The following KANSL1 variants were observed in gnomAD, a reference collection of about 807,000 sequenced individuals.
KANSL1 encodes KAT8 regulatory NSL complex subunit 1.
KANSL1 carries 22 observed loss-of-function variants against 103.6 expected under a neutral mutation model. That is an observed-to-expected ratio of 0.21 (90% CI 0.15 to 0.30). The LOEUF (loss-of-function observed/expected upper bound fraction) is 0.30. KANSL1 is among the 10% of genes least tolerant of loss of function. KANSL1 has a pLI of 1.00. For synonymous variants in KANSL1, 600 were observed against 527.6 expected, an observed-to-expected ratio of 1.14 and a Z score of -1.88; for missense variants, 1,337 against 1,399.8, an observed-to-expected ratio of 0.96 and a Z score of 0.72.
intron 1 of KANSL1, among the ~76,000 whole-genome samples, chr17:46,174,789 A>C (rs2046442727): frequency 6.6e-6 from 1 of 152,156 alleles, no homozygotes; most frequent in African/African-American, 2.4e-5. Context: ...ATCCTCCTGC[A>C]TCAGCCTCCT....
chr17:46,115,860 C>T (rs1220958244), intron 2 of KANSL1, among the ~76,000 whole-genome samples: 1 of 152,246 alleles, frequency 6.6e-6, no homozygotes, highest in African/African-American at 2.4e-5. Flanking sequence ...AAGCTGCATA[C>T]AGACATCAGG....
At chr17:46,105,952 C>CACACACACAA (rs1391201694) in intron 2 of KANSL1, among the ~76,000 whole-genome samples, 10 of 123,580 alleles carry the variant, frequency 8.1e-5, no homozygotes, top group Admixed American at 2.3e-4. Context: ...CACACACCCC[C>CACACACACAA]CCAGAAGGGT....
intron 2 of KANSL1, among the ~76,000 whole-genome samples, chr17:46,143,775 G>A (rs192179849): frequency 0.013 from 1,593 of 126,408 alleles, 11 homozygotes; most frequent in Non-Finnish European, 0.018. Context: ...CTGCCCTCCA[G>A]CCTGGGCGAC....
chr17:46,125,682 A>C (rs964576481), intron 2 of KANSL1, among the ~76,000 whole-genome samples: 8 of 152,272 alleles, frequency 5.3e-5, no homozygotes, highest in African/African-American at 1.9e-4. Flanking sequence ...AATGGGCAGA[A>C]TAAGGACTCC....
chr17:46,175,858 G>A (rs1221950500), intron 1 of KANSL1, among the ~76,000 whole-genome samples: 2 of 152,132 alleles, frequency 1.3e-5, no homozygotes, highest in Non-Finnish European at 2.9e-5. Context: ...ATTAAACATT[G>A]TGTTACAGAC....
chr17:46,173,522 A>C (rs955104350), intron 1 of KANSL1, among the ~76,000 whole-genome samples: 3 of 152,196 alleles, frequency 2.0e-5, no homozygotes, highest in African/African-American at 7.2e-5. Flanking sequence ...TTGTTCTTTA[A>C]AGTGTGGTCT....
chr17:46,060,993 GCTA>G (rs2146595189), intron 6 of KANSL1, among the ~76,000 whole-genome samples: 1 of 149,712 alleles, frequency 6.7e-6, no homozygotes, highest in South Asian at 2.1e-4. Flanking sequence ...TTAGGAAATT[GCTA>G]CTTTTTAAAA....
intron 6 of KANSL1, among the ~76,000 whole-genome samples, chr17:46,057,189 C>G (rs1224939609): frequency 6.6e-6 from 1 of 152,122 alleles, no homozygotes; most frequent in Non-Finnish European, 1.5e-5. Flanking sequence ...CTTCCCCTAC[C>G]AAAGATCAGA....
At chr17:46,173,039 T>G (rs1164216641) in intron 1 of KANSL1, among the ~76,000 whole-genome samples, 1 of 152,236 alleles carries the variant, frequency 6.6e-6, no homozygotes, top group African/African-American at 2.4e-5. Context: ...CTGGCAAAGG[T>G]GACCAGTAAT....
chr17:46,201,536 T>C (rs887262587), intron 1 of KANSL1, among the ~76,000 whole-genome samples: 1 of 152,158 alleles, frequency 6.6e-6, no homozygotes, highest in African/African-American at 2.4e-5. Flanking sequence ...CTCTGAACCA[T>C]CAGAAACACT....
chr17:46,211,693 A>T (rs1440533084), intron 1 of KANSL1, among the ~76,000 whole-genome samples: 1 of 152,270 alleles, frequency 6.6e-6, no homozygotes, highest in Non-Finnish European at 1.5e-5. Context: ...AGAAACATGA[A>T]AGCAAAGGGG....
At chr17:46,221,026 A>C in intron 1 of KANSL1, among the ~76,000 whole-genome samples, 2 of 150,048 alleles carry the variant, frequency 1.3e-5, no homozygotes, top group Admixed American at 6.6e-5. Flanking sequence ...TACATACACC[A>C]ATGCAAATTA....
At chr17:46,042,266 C>G (rs1338865887) in intron 7 of KANSL1, 1 of 152,172 alleles carries the variant, frequency 6.6e-6, no homozygotes, top group African/African-American at 2.4e-5. Flanking sequence ...AGAGGATATG[C>G]TCAATCTGAA....
At chr17:46,208,762 A>G (rs2696463) in intron 1 of KANSL1, among the ~76,000 whole-genome samples, 21,865 of 151,018 alleles carry the variant, frequency 0.14, 2,193 homozygotes, top group Middle Eastern at 0.22. Context: ...CACCGGAGAC[A>G]GAGGGTGCAG....
intron 2 of KANSL1, among the ~76,000 whole-genome samples, chr17:46,135,966 C>A (rs577068386): frequency 6.6e-6 from 1 of 152,222 alleles, no homozygotes; most frequent in Admixed American, 6.5e-5. Flanking sequence ...TTTTGAAGAT[C>A]TCTCCCATTA....
chr17:46,132,105 C>G (rs1244456542), intron 2 of KANSL1, among the ~76,000 whole-genome samples: 1 of 151,756 alleles, frequency 6.6e-6, no homozygotes, highest in Non-Finnish European at 1.5e-5. Context: ...CCTGCCTGGG[C>G]CAAAACAGCA....
intron 7 of KANSL1, chr17:46,040,163 T>G (rs897403641): frequency 2.4e-6 from 1 of 425,018 alleles, no homozygotes; most frequent in Admixed American, 4.0e-5. Context: ...TCCTTGTTTG[T>G]TGAATTTACT....
intron 2 of KANSL1, among the ~76,000 whole-genome samples, chr17:46,135,727 C>T (rs1021425642): frequency 1.8e-5 from 2 of 112,300 alleles, no homozygotes; most frequent in South Asian, 2.7e-4. Flanking sequence ...TTTTTGGTAG[C>T]GACAGGGGCC....
At chr17:46,164,397 T>G (rs546630685) in intron 2 of KANSL1, among the ~76,000 whole-genome samples, 1 of 152,390 alleles carries the variant, frequency 6.6e-6, no homozygotes, top group South Asian at 2.1e-4. Flanking sequence ...AAAACACAAG[T>G]TCCTACTTCT....
Sources: gnomAD v4.1 joint callset for allele counts (sites outside exome capture counted in the v4.1 genomes callset) on GRCh38, gnomAD v4.1.1 for gene constraint, MANE v1.5 for transcripts, NCBI Gene and HGNC (gene_info 2026-07-23, HGNC 2026-07-21) for gene names.